The following MCC variants were observed in gnomAD, a reference collection of about 807,000 sequenced individuals.
MCC encodes MCC regulator of Wnt signaling pathway.
A neutral mutation model predicts 116.2 loss-of-function variants in MCC; 90 were observed. The observed-to-expected ratio is 0.77, with a 90% CI of 0.65 to 0.92. MCC has a LOEUF of 0.92. Ranked by LOEUF, MCC falls within the 40% of genes least tolerant of loss-of-function variation. MCC has a pLI of 0.00. For missense variants in MCC, 1,516 were observed against 1,312.2 expected, an observed-to-expected ratio of 1.16 and a Z score of -2.40; for synonymous variants, 578 against 510.5, an observed-to-expected ratio of 1.13 and a Z score of -1.78.
chr5:113,134,908 G>A (rs986838179), intron 5 of MCC, among the ~76,000 whole-genome samples: 1 of 150,038 alleles, frequency 6.7e-6, no homozygotes, highest in African/African-American at 2.4e-5. Flanking sequence ...TCTTTAGAGA[G>A]AATTTTGTAA....
At chr5:113,161,312 G>A (rs1170280385) in intron 3 of MCC, among the ~76,000 whole-genome samples, 1 of 152,100 alleles carries the variant, frequency 6.6e-6, no homozygotes, top group Non-Finnish European at 1.5e-5. Context: ...TTCAGTGCAC[G>A]CTAAATACTG....
At chr5:113,072,742 G>A (rs190059778) in intron 11 of MCC, among the ~76,000 whole-genome samples, 1 of 152,158 alleles carries the variant, frequency 6.6e-6, no homozygotes, top group African/African-American at 2.4e-5. Context: ...CACCCTAGGG[G>A]TGATTTCTAT....
intron 2 of MCC, among the ~76,000 whole-genome samples, chr5:113,355,628 G>A (rs1025931772): frequency 6.6e-6 from 1 of 152,114 alleles, no homozygotes; most frequent in African/African-American, 2.4e-5. Context: ...TGGGGTTCTG[G>A]CGAGGGCTGT....
At chr5:113,209,569 A>G (rs919339512) in intron 3 of MCC, among the ~76,000 whole-genome samples, 3 of 152,200 alleles carry the variant, frequency 2.0e-5, no homozygotes, top group African/African-American at 7.2e-5. Flanking sequence ...TATTGTAAAG[A>G]CCCAGTATAG....
intron 14 of MCC, among the ~76,000 whole-genome samples, chr5:113,061,849 TTTTC>T (rs1373539430): frequency 6.6e-6 from 1 of 152,234 alleles, no homozygotes; most frequent in Non-Finnish European, 1.5e-5. Context: ...AGAAAGATCC[TTTTC>T]TTTATTTTCA....
At chr5:113,071,000 C>A in intron 12 of MCC, 94 bp downstream of exon 12, 1 of 1,428,550 alleles carries the variant, frequency 7.0e-7, no homozygotes, top group Non-Finnish European at 9.5e-7. Context: ...GCCAGATATG[C>A]CTTCTAAAAG....
intron 16 of MCC, among the ~76,000 whole-genome samples, chr5:113,044,961 C>T (rs1293216043): frequency 2.0e-5 from 3 of 152,210 alleles, no homozygotes; most frequent in African/African-American, 7.2e-5. Context: ...CGAGGCAGTT[C>T]CTTGGCAGTG....
intron 3 of MCC, among the ~76,000 whole-genome samples, chr5:113,243,369 A>C (rs1378877326): frequency 6.6e-6 from 1 of 152,220 alleles, no homozygotes; most frequent in Non-Finnish European, 1.5e-5. Context: ...ACTTGTGAGT[A>C]TCCTATACTC....
intron 3 of MCC, among the ~76,000 whole-genome samples, chr5:113,254,983 G>A (rs1764952767): frequency 6.6e-6 from 1 of 152,128 alleles, no homozygotes; most frequent in African/African-American, 2.4e-5. Flanking sequence ...TGACCAACAT[G>A]GTGAAACCCC....
At chr5:113,357,625 G>T (rs887379132) in intron 2 of MCC, among the ~76,000 whole-genome samples, 2 of 152,226 alleles carry the variant, frequency 1.3e-5, no homozygotes, top group African/African-American at 2.4e-5. Context: ...GATCTCAGGA[G>T]TTGGGGCAAG....
At chr5:113,231,305 T>A (rs1763933806) in intron 3 of MCC, among the ~76,000 whole-genome samples, 1 of 152,204 alleles carries the variant, frequency 6.6e-6, no homozygotes, top group Admixed American at 6.6e-5. Context: ...CTTCCAACTC[T>A]TTAATTTAGG....
At chr5:113,239,378 G>T (rs1764272769) in intron 3 of MCC, among the ~76,000 whole-genome samples, 1 of 152,210 alleles carries the variant, frequency 6.6e-6, no homozygotes, top group Non-Finnish European at 1.5e-5. Context: ...GGGCAGCTCT[G>T]AGAGGAAGCA....
intron 12 of MCC, among the ~76,000 whole-genome samples, chr5:113,069,646 G>T (rs965549501): frequency 6.6e-6 from 1 of 152,190 alleles, no homozygotes; most frequent in Non-Finnish European, 1.5e-5. Context: ...TCAGCTCACT[G>T]CAAGCTCCGC....
intron 1 of MCC, among the ~76,000 whole-genome samples, chr5:113,413,019 T>A (rs1770036513): frequency 1.3e-5 from 2 of 152,200 alleles, no homozygotes; most frequent in Admixed American, 6.5e-5. Context: ...TCTGCATCTA[T>A]TGAGATAAGC....
At chr5:113,353,312 A>T (rs1166873365) in intron 2 of MCC, among the ~76,000 whole-genome samples, 9 of 152,100 alleles carry the variant, frequency 5.9e-5, no homozygotes. Flanking sequence ...GGGGTTCATG[A>T]GCACTAGCTT....
intron 17 of MCC, among the ~76,000 whole-genome samples, chr5:113,033,200 G>A (rs187578887): frequency 4.8e-4 from 73 of 152,324 alleles, no homozygotes; most frequent in Middle Eastern, 3.4e-3. Flanking sequence ...GACTAAGTAG[G>A]TTTCGGTTGA....
rs561035637 is a variant in MCC at position 113,434,567 on chromosome 5, C to T, written c.171-49355G>A. On this transcript the variant is annotated intron_variant, in intron 1 of 18. Coordinates refer to ENST00000408903, the MANE Select transcript of MCC (RefSeq NM_001085377.2). The surrounding 1 kb of genome is among the most constrained non-coding windows in gnomAD (Gnocchi z 4.2). ...CGAGGAGGTCGCCCTGGACCGCGAG[C>T]TCCATGACGATGTAGACCTTGCCAT... 5.0e-6 allele frequency: 8 copies of T among 1,613,672 alleles called. No individual in the cohort carries two copies. The South Asian group carries it at 6.6e-5, about 13-fold the overall frequency.
intron 3 of MCC, among the ~76,000 whole-genome samples, chr5:113,164,363 C>G: frequency 6.6e-6 from 1 of 152,370 alleles, no homozygotes; most frequent in South Asian, 2.1e-4. Context: ...TCTAGTTCCA[C>G]AAGTAGGATA....
At chr5:113,157,132 G>A (rs2092024496) in intron 3 of MCC, among the ~76,000 whole-genome samples, 1 of 152,336 alleles carries the variant, frequency 6.6e-6, no homozygotes, top group Middle Eastern at 3.4e-3. Context: ...CCCTCCAGGA[G>A]TGTCACTGCG....
Sources: allele counts gnomAD v4.1 joint callset (sites outside exome capture counted in the v4.1 genomes callset), GRCh38; gene constraint gnomAD v4.1.1; non-coding constraint Gnocchi (gnomAD v3.1); transcripts MANE v1.5; gene names NCBI Gene and HGNC (gene_info 2026-07-23, HGNC 2026-07-21).